Variants in SOCS6 observed in about 807,000 individuals in gnomAD.
SOCS6 encodes the protein STAT induced STAT inhibitor-4.
A neutral mutation model predicts 27.7 loss-of-function variants in SOCS6; 5 were observed. That is an observed-to-expected ratio of 0.18 (90% CI 0.09 to 0.38). SOCS6 has a LOEUF of 0.38. Among genes scored for constraint, SOCS6 ranks in the 10% least tolerant of loss-of-function variants. The pLI is 1.00. For missense variants in SOCS6, 595 were observed against 688.1 expected (o/e 0.86, Z 1.51); for synonymous variants, 271 against 260.0 (o/e 1.04, Z -0.41).
intron 1 of SOCS6, among the ~76,000 whole-genome samples, chr18:70,300,607 G>A (rs767035613): frequency 8.5e-5 from 13 of 152,126 alleles, no homozygotes; most frequent in Non-Finnish European, 1.6e-4. Flanking sequence ...ATCTAAGTCC[G>A]TACATATTTT....
chr18:70,298,566 A>G lies in SOCS6; in HGVS notation c.-127+9476A>G, dbSNP rs41417645. Among the ~76,000 whole-genome samples the G allele has an allele frequency of 2.6e-3, 393 of 152,294 alleles. 1 individual carries two copies. The highest frequency in any genetic ancestry group is 8.8e-3 in the African/African-American group (367 of 41,562). ...ACCAACTGTAATTATACCTTAGCCAATAAGGTTGCAGATGTGGACATCATT... is the reference window on the plus strand; with the variant it reads ...ACCAACTGTAATTATACCTTAGCCAGTAAGGTTGCAGATGTGGACATCATT... On this transcript the variant is annotated intron_variant, in intron 1 of 1. Transcript: ENST00000397942.
At position 70,326,702 on chromosome 18, in the gene SOCS6, A is replaced by G. The variant is rs746535850; in HGVS notation, c.*426A>G. On this transcript the variant is annotated 3_prime_UTR_variant, in exon 2 of 2. Coordinates refer to ENST00000397942, the MANE Select transcript of SOCS6 (RefSeq NM_004232.4). ...TGTCTTTTTAAATGGTCCATTTTCAAAAGACAGTGTTGAATAAACATACCT... is the reference window on the plus strand; with the variant it reads ...TGTCTTTTTAAATGGTCCATTTTCAGAAGACAGTGTTGAATAAACATACCT... 5.5e-5 allele frequency: 10 copies of G among 182,824 alleles called. No individual in the cohort carries two copies. In the East Asian group the frequency reaches 8.1e-4, roughly 15 times the overall value. 11.3% of individuals were successfully genotyped at this position (182,824 alleles called of 1,614,324 possible). A position where few individuals can be genotyped will look rare whatever the true frequency, so the allele number is the denominator to read the frequency against.
chr18:70,314,240 A>AGT (rs2062402320), intron 1 of SOCS6: 1 of 152,194 alleles, frequency 6.6e-6, no homozygotes, highest in Admixed American at 6.5e-5. Flanking sequence ...TGGGCGACAG[A>AGT]GTGAGACCCC....
rs761371103 is a variant in SOCS6, at chr18:70,324,884, C to A, written c.216C>A (p.Ser72Arg). 1 of 1,614,080 alleles carries A rather than the reference C, an allele frequency of 6.2e-7. No individual in the cohort carries two copies. The highest frequency in any genetic ancestry group is 1.7e-5 in the Admixed American group (1 of 60,010). Residue 72 changes from serine (S) to arginine (R), a missense_variant, in exon 2 of 2, where the codon AGC becomes AGA. Physicochemically the swap from Ser to Arg is moderately radical, Grantham distance 110. This residue lies in a region of SOCS6 where 467 missense variants were observed against 481.1 expected (regional missense o/e 0.97). Coordinates refer to ENST00000397942, the MANE Select transcript of SOCS6 (RefSeq NM_004232.4). ...GAAAAAACAGATCAAAAAGCGAGAG[C>A]CTGATGGGTACGCTAAAAAGGCGGC... ...KGGKNRSKSE[S>R]LMGTLKRRLS... is the part of the protein sequence containing the mutation.
chr18:70,308,046 C>A (rs891107470), intron 1 of SOCS6, among the ~76,000 whole-genome samples: 31 of 152,080 alleles, frequency 2.0e-4, no homozygotes, highest in African/African-American at 6.8e-4. Context: ...TATTTACTAA[C>A]TTTTCCTTGT....
At chr18:70,310,293 T>C (rs80167328) in intron 1 of SOCS6, among the ~76,000 whole-genome samples, 1 of 151,540 alleles carries the variant, frequency 6.6e-6, no homozygotes, top group Non-Finnish European at 1.5e-5. Flanking sequence ...TTTTTTTTTT[T>C]TGAGACAGGG....
chr18:70,314,642 C>T (rs886849312), intron 1 of SOCS6, among the ~76,000 whole-genome samples: 11 of 152,208 alleles, frequency 7.2e-5, no homozygotes, highest in African/African-American at 1.7e-4. Context: ...AATCACCTAA[C>T]GACATATTTC....
chr18:70,312,379 T>C (rs531496499), intron 1 of SOCS6, among the ~76,000 whole-genome samples: 1 of 152,340 alleles, frequency 6.6e-6, no homozygotes, highest in East Asian at 1.9e-4. Context: ...TCTTTGTTTT[T>C]GGCATGAGTA....
In SOCS6 at chr18:70,326,514, ATG is replaced by A; in HGVS notation, c.*241_*242del. The A allele has an allele frequency of 2.0e-6, 1 of 497,868 alleles. No individual in the cohort carries two copies. The highest frequency in any genetic ancestry group is 2.9e-5 in the South Asian group (1 of 34,312). 30.8% of individuals were successfully genotyped at this position (497,868 alleles called of 1,614,324 possible). ...TAGAGGTGTGAATTATGTTTCATCA[ATG>A]TGCAGAATAATCACAATGTGAATTA... On this transcript the variant is annotated 3_prime_UTR_variant, in exon 2 of 2. Coordinates refer to ENST00000397942, the MANE Select transcript of SOCS6 (RefSeq NM_004232.4).
intron 1 of SOCS6, among the ~76,000 whole-genome samples, chr18:70,295,152 G>A (rs894989114): frequency 1.4e-4 from 21 of 152,212 alleles, no homozygotes; most frequent in African/African-American, 4.8e-4. Flanking sequence ...GACAGTCTGA[G>A]ATTATACTTA....
chr18:70,307,771 T>TTA (rs1293001694), intron 1 of SOCS6, among the ~76,000 whole-genome samples: 1 of 152,178 alleles, frequency 6.6e-6, no homozygotes, highest in Non-Finnish European at 1.5e-5. Context: ...GCTTTGTCTG[T>TTA]TTTTTATCTT....
rs1441273985 is a variant in SOCS6 at position 70,327,298 on chromosome 18, TAGAA to T, written c.*1028_*1031del. On this transcript the variant is annotated 3_prime_UTR_variant, in exon 2 of 2. Transcript: ENST00000397942. ...ATAAAAAGTTTTAAATTGATTTGAA[TAGAA>T]AGAAAACATTGTTTTAAAGTTGGAT... 4 of 166,822 alleles carry T rather than the reference TAGAA, an allele frequency of 2.4e-5. No individual in the cohort carries two copies. Among genetic ancestry groups the T allele is most frequent in the South Asian group, 2.1e-4 (1 of 4,834 alleles). The allele number at this position is 166,822 out of a possible 1,614,324, so 10.3% of individuals were successfully genotyped here. A position where few individuals can be genotyped will look rare whatever the true frequency, so the allele number is the denominator to read the frequency against.
intron 1 of SOCS6, among the ~76,000 whole-genome samples, chr18:70,315,045 A>G (rs1219700066): frequency 6.6e-5 from 10 of 152,208 alleles, no homozygotes; most frequent in Admixed American, 6.5e-4. Context: ...CACGTTAGCA[A>G]TCCCAGGATA....
intron 1 of SOCS6, among the ~76,000 whole-genome samples, chr18:70,300,909 G>A (rs1231008131): frequency 6.6e-6 from 1 of 152,172 alleles, no homozygotes; most frequent in African/African-American, 2.4e-5. Context: ...GCCATGCAGT[G>A]TTCCTGTTGC....
intron 1 of SOCS6, among the ~76,000 whole-genome samples, chr18:70,303,394 A>G (rs2062356659): frequency 6.6e-6 from 1 of 151,892 alleles, no homozygotes; most frequent in Non-Finnish European, 1.5e-5. Context: ...GATCCAGGGA[A>G]TATTTTTATG....
chr18:70,290,456 C>T (rs1043750765), intron 1 of SOCS6, among the ~76,000 whole-genome samples: 4 of 152,214 alleles, frequency 2.6e-5, no homozygotes, highest in Non-Finnish European at 5.9e-5. Context: ...CACCAGGTTT[C>T]ACAAAAACCG....
At chr18:70,323,331 G>A (rs570920728) in intron 1 of SOCS6, among the ~76,000 whole-genome samples, 53 of 152,328 alleles carry the variant, frequency 3.5e-4, no homozygotes, top group African/African-American at 4.8e-4. Flanking sequence ...ATCACTTAAC[G>A]TGGTTTATGG....
intron 1 of SOCS6, among the ~76,000 whole-genome samples, chr18:70,298,662 C>T (rs1233008892): frequency 6.6e-6 from 1 of 152,130 alleles, no homozygotes; most frequent in Non-Finnish European, 1.5e-5. Flanking sequence ...ATCAATGTTG[C>T]CCAGGTCTCC....
Position 70,326,096 on chromosome 18 carries a change from G to A in SOCS6, c.1428G>A (p.Arg476=). 6.2e-7 allele frequency: 1 copy of A among 1,614,184 alleles called. No homozygotes were observed. Among genetic ancestry groups the A allele is most frequent in the Non-Finnish European group, 8.5e-7 (1 of 1,180,030 alleles). The change falls in exon 2 of 2, where the codon CGG becomes CGA. Residue 476 remains arginine (R), a synonymous_variant. Transcript: ENST00000397942. ...ENGAFCYSRS[R]LPGSATYPVR... is the part of the protein sequence containing the mutation. ...GAGCTTTTTGTTATTCAAGGTCTCG[G>A]CTGCCTGGATCTGCAACTTACCCCG...
Sources: gnomAD v4.1 joint callset for allele counts (sites outside exome capture counted in the v4.1 genomes callset) on GRCh38, gnomAD v4.1.1 for gene constraint, gnomAD v4.1.1 regional missense constraint, MANE v1.5 for transcripts, NCBI Gene and HGNC (gene_info 2026-07-23, HGNC 2026-07-21) for gene names.